The following CDKL5 variants were observed in gnomAD, a reference collection of about 807,000 sequenced individuals.
The protein encoded by CDKL5 is cyclin-dependent kinase-like 5.
Under a neutral mutation model 61.7 loss-of-function variants are expected in CDKL5, and 8 were observed. That is an observed-to-expected ratio of 0.13 (90% CI 0.08 to 0.23). The LOEUF (loss-of-function observed/expected upper bound fraction) is 0.23. CDKL5 is among the 10% of genes least tolerant of loss of function. CDKL5 has a pLI of 1.00. For synonymous variants in CDKL5, 275 were observed against 272.3 expected (o/e 1.01, Z -0.10); for missense variants, 440 against 734.5 (o/e 0.60, Z 4.63).
At chrX:18,568,502 C>T (rs1283802825) in intron 4 of CDKL5, among the ~76,000 whole-genome samples, 1 of 111,837 alleles carries the variant, frequency 8.9e-6, no homozygotes, top group Non-Finnish European at 1.9e-5. Flanking sequence ...ATAGTAGTAA[C>T]TAATATGCTA....
chrX:18,464,235 G>A (rs752007768), intron 1 of CDKL5, among the ~76,000 whole-genome samples: 316 of 109,242 alleles, frequency 2.9e-3, no homozygotes, highest in African/African-American at 9.9e-3. Flanking sequence ...ATGGAACAGG[G>A]TTTTTCTTTT....
chrX:18,580,839 T>A (rs891871895), intron 6 of CDKL5, among the ~76,000 whole-genome samples: 3 of 112,242 alleles, frequency 2.7e-5, no homozygotes, highest in Non-Finnish European at 5.6e-5. Context: ...TTCTCACTTG[T>A]GAGAATAGTT....
chrX:18,641,944 G>A, downstream of CDKL5: 2 of 1,131,559 alleles, frequency 1.8e-6, no homozygotes, highest in Non-Finnish European at 2.4e-6. Context: ...GTGTGAGGGG[G>A]TCCCCTACGG....
chrX:18,461,699 T>A (rs1289687688), intron 1 of CDKL5, among the ~76,000 whole-genome samples: 5 of 112,093 alleles, frequency 4.5e-5, no homozygotes, highest in Non-Finnish European at 9.4e-5. Context: ...ACAATGCCCT[T>A]TTGAAATTCT....
intron 3 of CDKL5, among the ~76,000 whole-genome samples, chrX:18,516,605 C>G (rs1013127083): frequency 1.8e-5 from 2 of 108,868 alleles, no homozygotes; most frequent in African/African-American, 6.7e-5. Context: ...AGGCTGGTCT[C>G]GAACTCCTGG....
intron 1 of CDKL5, among the ~76,000 whole-genome samples, chrX:18,443,095 A>G (rs1487942582): frequency 8.9e-6 from 1 of 111,792 alleles, no homozygotes; most frequent in Non-Finnish European, 1.9e-5. Flanking sequence ...TGTGCTTTTC[A>G]GGTTTCTTTG....
chrX:18,459,631 A>G (rs1259909818), intron 1 of CDKL5, among the ~76,000 whole-genome samples: 2 of 107,779 alleles, frequency 1.9e-5, no homozygotes, highest in African/African-American at 6.8e-5. Flanking sequence ...TAATATGTTC[A>G]TGGATGGTTC....
intron 3 of CDKL5, among the ~76,000 whole-genome samples, chrX:18,527,591 A>G (rs1923488926): frequency 9.0e-6 from 1 of 111,259 alleles, no homozygotes; most frequent in African/African-American, 3.3e-5. Flanking sequence ...CTTCATTCAA[A>G]TCTGATGTGA....
chrX:18,642,815 G>A (rs778327799), downstream of CDKL5, among the ~76,000 whole-genome samples: 82 of 110,453 alleles, frequency 7.4e-4, no homozygotes, highest in Non-Finnish European at 1.3e-3. Context: ...GGAGGCGGGC[G>A]GATCGTTTGA....
intron 1 of CDKL5, among the ~76,000 whole-genome samples, chrX:18,447,668 C>G (rs916732616): frequency 9.1e-6 from 1 of 110,402 alleles, no homozygotes; most frequent in Non-Finnish European, 1.9e-5. Context: ...GTATTTCTTT[C>G]CCTCCCTCCT....
chrX:18,645,657 A>G (rs781589263), intron 19 of CDKL5, among the ~76,000 whole-genome samples: 4 of 110,591 alleles, frequency 3.6e-5, no homozygotes, highest in African/African-American at 6.6e-5. Flanking sequence ...CCACACCTCA[A>G]CTACTCTCCC....
At chrX:18,520,711 A>G (rs200044060) in intron 3 of CDKL5, among the ~76,000 whole-genome samples, 2 of 111,034 alleles carry the variant, frequency 1.8e-5, no homozygotes, top group South Asian at 7.6e-4. Context: ...GAGAGTTCCA[A>G]TTTCTCAACA....
At chrX:18,588,373 T>G in intron 9 of CDKL5, 1 of 340,238 alleles carries the variant, frequency 2.9e-6, no homozygotes. Context: ...TAAGTTCCAG[T>G]TTTTCAAAAT....
intron 3 of CDKL5, among the ~76,000 whole-genome samples, chrX:18,541,734 C>T (rs1178324424): frequency 2.7e-5 from 3 of 111,169 alleles, no homozygotes; most frequent in East Asian, 5.7e-4. Flanking sequence ...TGCCCAGGCT[C>T]GTCTCCAACT....
chrX:18,653,372 T>A (rs1268209714), intron 21 of CDKL5: 2 of 1,192,233 alleles, frequency 1.7e-6, no homozygotes, highest in East Asian at 6.1e-5. Flanking sequence ...TTAGCCAGAG[T>A]GCACCTGCTA....
intron 3 of CDKL5, among the ~76,000 whole-genome samples, chrX:18,527,652 C>A (rs1034417420): frequency 9.0e-6 from 1 of 110,844 alleles, no homozygotes; most frequent in Non-Finnish European, 1.9e-5. Flanking sequence ...GGTTTATCAG[C>A]TTTATTGATT....
chrX:18,469,903 A>T (rs1921023889), intron 1 of CDKL5, among the ~76,000 whole-genome samples: 1 of 112,212 alleles, frequency 8.9e-6, no homozygotes, highest in African/African-American at 3.2e-5. Flanking sequence ...TTAAAAGAAC[A>T]CTTAGAATAA....
chrX:18,561,223 T>C (rs5955626), intron 3 of CDKL5, among the ~76,000 whole-genome samples: 1 of 111,364 alleles, frequency 9.0e-6, no homozygotes, highest in Non-Finnish European at 1.9e-5. Flanking sequence ...GAATAAAAGG[T>C]TGCCTTCCCA....
chrX:18,449,498 C>G (rs1448140410), intron 1 of CDKL5, among the ~76,000 whole-genome samples: 1 of 111,269 alleles, frequency 9.0e-6, no homozygotes, highest in Admixed American at 9.8e-5. Context: ...TGCCCTTCCC[C>G]CCTGCCGCCC....
Sources: allele counts gnomAD v4.1 joint callset (sites outside exome capture counted in the v4.1 genomes callset), GRCh38; gene constraint gnomAD v4.1.1; transcripts MANE v1.5; gene names NCBI Gene and HGNC (gene_info 2026-07-23, HGNC 2026-07-21).